The following ANKRD11 variants were observed in gnomAD, a reference collection of about 807,000 sequenced individuals.
ANKRD11 encodes the protein ankyrin repeat domain-containing protein 11.
A neutral mutation model predicts 195.7 loss-of-function variants in ANKRD11; 17 were observed. The ratio of observed to expected loss-of-function variants is 0.09; its 90% CI spans 0.06 to 0.13. ANKRD11 has a LOEUF of 0.13. ANKRD11 is among the 10% of genes least tolerant of loss of function. The pLI is 1.00. For synonymous variants in ANKRD11, 1,953 were observed against 1,528.1 expected, an observed-to-expected ratio of 1.28 and a Z score of -6.49; for missense variants, 3,735 against 3,566.1, an observed-to-expected ratio of 1.05 and a Z score of -1.21.
chr16:89,438,346 G>C (rs2043303351), intron 1 of ANKRD11, among the ~76,000 whole-genome samples: 1 of 150,954 alleles, frequency 6.6e-6, no homozygotes, highest in African/African-American at 2.4e-5. Context: ...TCAACACAGA[G>C]TCTCACTCTG....
At chr16:89,318,427 G>A (rs1212670993) in intron 2 of ANKRD11, among the ~76,000 whole-genome samples, 1 of 152,238 alleles carries the variant, frequency 6.6e-6, no homozygotes, top group African/African-American at 2.4e-5. Context: ...CTGTGTGCAC[G>A]TCTCTGCCCT....
At position 89,400,066 on chromosome 16, in the gene ANKRD11, G is replaced by A. The variant is rs111835210; in HGVS notation, c.-60+18218C>T. Among the ~76,000 whole-genome samples, 10 of 67,532 alleles carry A rather than the reference G, an allele frequency of 1.5e-4. 1 individual carries two copies. The highest frequency in any genetic ancestry group is 2.4e-4 in the African/African-American group (4 of 16,368). 44.3% of individuals were successfully genotyped at this position (67,532 alleles called of 152,430 possible). A position where few individuals can be genotyped will look rare whatever the true frequency, so the allele number is the denominator to read the frequency against. ...GCTGCCCCAGGCTTCCCTGCGCTGGGGGCCGGTCATCTGCTGCCCCAGGCT... is the reference window on the plus strand; with the variant it reads ...GCTGCCCCAGGCTTCCCTGCGCTGGAGGCCGGTCATCTGCTGCCCCAGGCT... On this transcript the variant is annotated intron_variant, in intron 2 of 12. Coordinates refer to ENST00000301030, the MANE Select transcript of ANKRD11 (RefSeq NM_013275.6).
chr16:89,282,170 C>T lies in ANKRD11; in HGVS notation c.4372G>A (p.Glu1458Lys), dbSNP rs1310934132. Residue 1458 changes from glutamate (E) to lysine (K), a missense_variant, in exon 9 of 13, where the codon GAG becomes AAG. Transcript: ENST00000301030. Reference sequence around the variant, plus strand: ...CTGTGTTTCTCTCTCTTCTTCTTCTCTTTTAGGATGTTGATGGCACTAGAT... The same window carrying T: ...CTGTGTTTCTCTCTCTTCTTCTTCTTTTTTAGGATGTTGATGGCACTAGAT... ...YGSSAINILK[E>K]KKKREKHREK... 6.2e-7 allele frequency: 1 copy of T among 1,614,070 alleles called. No individual in the cohort carries two copies. Among genetic ancestry groups the T allele is most frequent in the South Asian group, 1.1e-5 (1 of 91,078 alleles).
At chr16:89,273,440 G>A (rs868111439) in intron 11 of ANKRD11, among the ~76,000 whole-genome samples, 4 of 152,278 alleles carry the variant, frequency 2.6e-5, no homozygotes, top group Middle Eastern at 3.4e-3. Context: ...GGTGGCTCAC[G>A]CCTGTAACTC....
At chr16:89,416,590 G>GCACA (rs2042320122) in intron 2 of ANKRD11, among the ~76,000 whole-genome samples, 2 of 151,986 alleles carry the variant, frequency 1.3e-5, no homozygotes, top group Non-Finnish European at 2.9e-5. Context: ...GAGCCACTGT[G>GCACA]CCTGGCCACT....
In ANKRD11 at chr16:89,279,948, C is replaced by G; in HGVS notation, c.6594G>C (p.Arg2198=). ...PALPPDQAST[R]LPAELEPEPS... ...GCTCAGGCTCGAGCTCTGCAGGGAG[C>G]CGGGTGGAGGCCTGGTCAGGAGGCA... The change falls in exon 9 of 13, where the codon CGG becomes CGC. Residue 2198 remains arginine, a synonymous_variant. Coordinates refer to ENST00000301030, the MANE Select transcript of ANKRD11 (RefSeq NM_013275.6). The surrounding 1 kb of genome is among the most constrained non-coding windows in gnomAD (Gnocchi z 5.6). 1 of 1,609,986 alleles carries G rather than the reference C, an allele frequency of 6.2e-7. No individual in the cohort carries two copies. The highest frequency in any genetic ancestry group is 1.1e-5 in the South Asian group (1 of 91,044).
Position 89,285,060 on chromosome 16 carries a change from G to C in ANKRD11, c.1482C>G (p.Asp494Glu), listed in dbSNP as rs772939645. The change falls in exon 9 of 13, where the codon GAC (aspartate) becomes GAG (glutamate). Residue 494 changes from aspartate to glutamate, a missense_variant. Transcript: ENST00000301030. The surrounding 1 kb of genome is among the most constrained non-coding windows in gnomAD (Gnocchi z 5.6). ...TGAGGCAGCCAGAGCTCCCCAGAGA[G>C]TCCCTGTCATCCTCCCCACTCTCTG... is the stretch of plus-strand genomic sequence containing the variant. ...ESSESGEDDR[D>E]SLGSSGCLKG... 8.7e-6 allele frequency: 14 copies of C among 1,613,918 alleles called. No homozygotes were observed. Among genetic ancestry groups the C allele is most frequent in the Non-Finnish European group, 9.3e-6 (11 of 1,180,040 alleles).
intron 2 of ANKRD11, among the ~76,000 whole-genome samples, chr16:89,415,894 A>G (rs183543044): frequency 2.7e-5 from 4 of 147,642 alleles, no homozygotes; most frequent in Admixed American, 2.1e-4. Context: ...AGGCCCTCAC[A>G]TGCCCATGTG....
At chr16:89,275,856 G>GAGGCCTCACACTCTTGGAGAAACA in intron 9 of ANKRD11, among the ~76,000 whole-genome samples, 1 of 152,324 alleles carries the variant, frequency 6.6e-6, no homozygotes, top group South Asian at 2.1e-4. Context: ...CCATCAGGAT[G>GAGGCCTCACACTCTTGGAGAAACA]AGGCCTCACA....
intron 2 of ANKRD11, chr16:89,324,312 G>A (rs568872823): frequency 2.0e-5 from 26 of 1,269,824 alleles, no homozygotes; most frequent in Admixed American, 1.4e-4. Flanking sequence ...ACAGGAGCAC[G>A]GACACAGCAG....
At position 89,384,874 on chromosome 16, in the gene ANKRD11, G is replaced by GTTTTTT. The variant is rs1257714722; in HGVS notation, c.-60+33409_-60+33410insAAAAAA. Among the ~76,000 whole-genome samples the GTTTTTT allele has an allele frequency of 7.3e-4, 53 of 72,746 alleles. 3 individuals carry two copies. The highest frequency in any genetic ancestry group is 2.6e-3 in the African/African-American group (47 of 17,762). 47.7% of individuals were successfully genotyped at this position (72,746 alleles called of 152,430 possible). On this transcript the variant is annotated intron_variant, in intron 2 of 12. Coordinates refer to ENST00000301030, the MANE Select transcript of ANKRD11 (RefSeq NM_013275.6). ...GTGTGGGAGCACACAATGAGAAATA[G>GTTTTTT]TTTTCTTTTTTTTTTTTTTTTTTTT... is the stretch of plus-strand genomic sequence containing the variant.
At chr16:89,397,364 C>G (rs1343043424) in intron 2 of ANKRD11, among the ~76,000 whole-genome samples, 1 of 152,248 alleles carries the variant, frequency 6.6e-6, no homozygotes, top group Non-Finnish European at 1.5e-5. Flanking sequence ...TGCGCATTTA[C>G]AAAATCTGAG....
At chr16:89,293,277 A>T (rs560795689) in intron 4 of ANKRD11, among the ~76,000 whole-genome samples, 37 of 152,198 alleles carry the variant, frequency 2.4e-4, no homozygotes, top group Non-Finnish European at 4.7e-4. Context: ...CACACAGCAC[A>T]GGAGACTCCT....
At chr16:89,340,148 A>G (rs1047247598) in intron 2 of ANKRD11, among the ~76,000 whole-genome samples, 13 of 152,266 alleles carry the variant, frequency 8.5e-5, no homozygotes, top group African/African-American at 3.1e-4. Flanking sequence ...GTTTATAACT[A>G]GAAATGGAAT....
intron 3 of ANKRD11, 84 bp downstream of exon 3, chr16:89,316,848 AG>A (rs774427378): frequency 5.3e-6 from 8 of 1,498,994 alleles, no homozygotes; most frequent in Non-Finnish European, 7.3e-6. Flanking sequence ...GGCGGAGAAC[AG>A]GCCACAGGCG....
chr16:89,399,139 C>T (rs576843445), intron 2 of ANKRD11, among the ~76,000 whole-genome samples: 1 of 152,330 alleles, frequency 6.6e-6, no homozygotes, highest in Admixed American at 6.5e-5. Context: ...GGAGCAGGAG[C>T]ATGATGACAC....
In ANKRD11 at chr16:89,282,735, C is replaced by T. The variant is rs764148792; in HGVS notation, c.3807G>A (p.Lys1269=). ...TTTCCGCGTCGGCACTTCTCGAGGA[C>T]TTCCTCTCCTTGGAATGTTCTTTGT... is the stretch of plus-strand genomic sequence containing the variant. The part of the protein sequence containing the change: ...KSDKEHSKER[K]SSRSADAEKS... Residue 1269 remains lysine, a synonymous_variant, in exon 9 of 13, where the codon AAG becomes AAA. Transcript: ENST00000301030. 3 of 1,613,810 alleles carry T rather than the reference C, an allele frequency of 1.9e-6. No homozygotes were observed. Among genetic ancestry groups the T allele is most frequent in the South Asian group, 1.1e-5 (1 of 91,070 alleles).
chr16:89,440,679 T>G (rs754677370), intron 1 of ANKRD11, among the ~76,000 whole-genome samples: 1 of 151,708 alleles, frequency 6.6e-6, no homozygotes, highest in Non-Finnish European at 1.5e-5. Flanking sequence ...AAGCACAAAC[T>G]AAGGGCCCCA....
intron 1 of ANKRD11, among the ~76,000 whole-genome samples, chr16:89,462,157 C>T (rs2056700063): frequency 6.6e-6 from 1 of 151,782 alleles, no homozygotes. Flanking sequence ...CTGCTGCCAT[C>T]TCGGCTCACT....
Sources: gnomAD v4.1 joint callset for allele counts (sites outside exome capture counted in the v4.1 genomes callset) on GRCh38, gnomAD v4.1.1 for gene constraint, Gnocchi (gnomAD v3.1) non-coding constraint, MANE v1.5 for transcripts, NCBI Gene and HGNC (gene_info 2026-07-23, HGNC 2026-07-21) for gene names.